USP12: variants seen among roughly 807,000 people sequenced by gnomAD.
The protein encoded by USP12 is ubiquitin carboxyl-terminal hydrolase 12.
Under a neutral mutation model 45.5 loss-of-function variants are expected in USP12, and 19 were observed. That is an observed-to-expected ratio of 0.42 (90% confidence interval 0.29 to 0.61). The LOEUF (loss-of-function observed/expected upper bound fraction) is 0.61. Ranked by LOEUF, USP12 falls within the 20% of genes least tolerant of loss-of-function variation. The probability of loss-of-function intolerance (pLI) is 0.22; values close to 1 mark genes in which losing one functional copy is unlikely to be tolerated. For synonymous variants in USP12, 149 were observed against 148.8 expected (o/e 1.00, Z -0.01); for missense variants, 242 against 447.7 (o/e 0.54, Z 4.15).
At chr13:27,106,174 C>G (rs1176821850) in intron 2 of USP12, among the ~76,000 whole-genome samples, 1 of 151,644 alleles carries the variant, frequency 6.6e-6, no homozygotes, top group Non-Finnish European at 1.5e-5. Flanking sequence ...TTAAAACACA[C>G]AAAAACAAAA....
chr13:27,114,182 A>T (rs1202923930), intron 2 of USP12, among the ~76,000 whole-genome samples: 1 of 152,180 alleles, frequency 6.6e-6, no homozygotes, highest in Non-Finnish European at 1.5e-5. Context: ...CCTGTATTAG[A>T]AAATTAATAA....
At chr13:27,124,894 A>G (rs182580737) in intron 1 of USP12, among the ~76,000 whole-genome samples, 3 of 152,370 alleles carry the variant, frequency 2.0e-5, no homozygotes, top group Admixed American at 2.0e-4. Context: ...GAGAATATTT[A>G]TGACAAAACA....
intron 3 of USP12, 79 bp from the exon 4 acceptor site, chr13:27,095,909 T>A: frequency 9.6e-7 from 1 of 1,038,746 alleles, no homozygotes; most frequent in Non-Finnish European, 1.3e-6. Flanking sequence ...AAAGAATATC[T>A]AGTATTGGAT....
At chr13:27,080,821 T>C (rs1873719071) in intron 6 of USP12, among the ~76,000 whole-genome samples, 1 of 152,210 alleles carries the variant, frequency 6.6e-6, no homozygotes, top group South Asian at 2.1e-4. Context: ...TACTGTAGTG[T>C]ATTATGTAAC....
chr13:27,158,807 T>C (rs1445517561), intron 1 of USP12, among the ~76,000 whole-genome samples: 6 of 152,222 alleles, frequency 3.9e-5, no homozygotes, highest in Non-Finnish European at 8.8e-5. Context: ...CCTTTCAATA[T>C]GATAGACATT....
At chr13:27,148,676 T>TTATATATA (rs59164229) in intron 1 of USP12, among the ~76,000 whole-genome samples, 1,650 of 139,380 alleles carry the variant, frequency 0.012, 15 homozygotes, top group Middle Eastern at 0.019. Context: ...AAAAAAAAAA[T>TTATATATA]TATATATATA....
intron 4 of USP12, among the ~76,000 whole-genome samples, chr13:27,091,986 A>G (rs1191865091): frequency 6.6e-6 from 1 of 152,204 alleles, no homozygotes; most frequent in Non-Finnish European, 1.5e-5. Flanking sequence ...GTGCATACAC[A>G]TACGATAACA....
At chr13:27,088,703 G>C (rs927831910) in intron 6 of USP12, among the ~76,000 whole-genome samples, 1 of 152,116 alleles carries the variant, frequency 6.6e-6, no homozygotes, top group African/African-American at 2.4e-5. Flanking sequence ...AATTCAATGT[G>C]GGAAGAATTA....
intron 1 of USP12, among the ~76,000 whole-genome samples, chr13:27,146,588 A>G (rs1877319491): frequency 6.6e-6 from 1 of 152,216 alleles, no homozygotes; most frequent in African/African-American, 2.4e-5. Flanking sequence ...CAGAGCTCCG[A>G]TGTTGGCTTA....
At chr13:27,101,928 C>G (rs1056769311) in intron 3 of USP12, among the ~76,000 whole-genome samples, 3 of 152,140 alleles carry the variant, frequency 2.0e-5, no homozygotes, top group African/African-American at 7.2e-5. Flanking sequence ...CATGCAGGTT[C>G]CTTAAGAACA....
intron 2 of USP12, among the ~76,000 whole-genome samples, chr13:27,115,097 T>C (rs1193653880): frequency 6.7e-6 from 1 of 148,842 alleles, no homozygotes; most frequent in Non-Finnish European, 1.5e-5. Context: ...ATTTTATATA[T>C]AATAACAAGA....
intron 3 of USP12, among the ~76,000 whole-genome samples, chr13:27,099,945 C>G (rs1308872221): frequency 6.6e-6 from 1 of 152,144 alleles, no homozygotes; most frequent in Non-Finnish European, 1.5e-5. Flanking sequence ...ATTTGGTACA[C>G]TGTGTGTGGG....
chr13:27,109,801 C>T (rs1379179417), intron 2 of USP12, among the ~76,000 whole-genome samples: 2 of 150,572 alleles, frequency 1.3e-5, no homozygotes, highest in African/African-American at 2.4e-5. Flanking sequence ...CCCAGCTACT[C>T]GGGAGGCTGA....
In USP12 at chr13:27,075,342, T is replaced by G; in HGVS notation, c.781A>C (p.Arg261=). The G allele has an allele frequency of 6.2e-7, 1 of 1,614,176 alleles. No individual in the cohort carries two copies. The highest frequency in any genetic ancestry group is 8.5e-7 in the Non-Finnish European group (1 of 1,180,014). Residue 261 remains arginine, a synonymous_variant, in exon 7 of 9, where the codon AGA becomes CGA. Coordinates refer to ENST00000282344, the MANE Select transcript of USP12 (RefSeq NM_182488.4). The stretch of plus-strand genomic sequence containing the variant: ...TGAAGTTGATCCATATATTTAAATC[T>G]CTTCAGGTGTAGAGCTAGAATCATG... The part of the protein sequence containing the change: ...LPMILALHLK[R]FKYMDQLHRY...
In USP12 at chr13:27,098,991, T is replaced by G. The variant is rs1874728642; in HGVS notation, c.344-3161A>C. Among the ~76,000 whole-genome samples, 3 of 152,204 alleles carry G rather than the reference T, an allele frequency of 2.0e-5. No individual in the cohort carries two copies. In the South Asian group the frequency reaches 6.2e-4, roughly 31 times the overall value. On this transcript the variant is annotated intron_variant, in intron 3 of 8. Transcript: ENST00000282344. The stretch of plus-strand genomic sequence containing the variant: ...GCTCATGTCTGTAATCCCAGCACTT[T>G]GTGAGTCTGAGGGGGGCAGATCACC...
intron 1 of USP12, among the ~76,000 whole-genome samples, chr13:27,136,479 C>G (rs1302916181): frequency 6.6e-6 from 1 of 152,152 alleles, no homozygotes; most frequent in Non-Finnish European, 1.5e-5. Context: ...GTCTGGGCAA[C>G]AAGAATGAAA....
Position 27,074,190 on chromosome 13 carries a change from G to A in USP12, c.932+1001C>T, listed in dbSNP as rs113531643. On this transcript the variant is annotated intron_variant, in intron 7 of 8. Coordinates refer to ENST00000282344, the MANE Select transcript of USP12 (RefSeq NM_182488.4). ...CCGAGGCGGGCAGATCACGAGGTCA[G>A]GAGATTAAGACCATCCTGGCTAACA... Among the ~76,000 whole-genome samples the A allele has an allele frequency of 7.5e-4, 114 of 152,292 alleles. 2 individuals are homozygous for A. The East Asian group carries it at 0.015, about 20-fold the overall frequency.
chr13:27,142,908 C>T (rs890119081), intron 1 of USP12, among the ~76,000 whole-genome samples: 2 of 152,126 alleles, frequency 1.3e-5, no homozygotes, highest in African/African-American at 4.8e-5. Context: ...TCCTGGCCGA[C>T]ATGGTGAAAC....
chr13:27,147,253 A>C (rs1877347079), intron 1 of USP12, among the ~76,000 whole-genome samples: 1 of 152,236 alleles, frequency 6.6e-6, no homozygotes, highest in African/African-American at 2.4e-5. Context: ...ACAATTTTAC[A>C]TGTAGAATGA....
Sources: allele counts gnomAD v4.1 joint callset (sites outside exome capture counted in the v4.1 genomes callset), GRCh38; gene constraint gnomAD v4.1.1; transcripts MANE v1.5; gene names NCBI Gene and HGNC (gene_info 2026-07-23, HGNC 2026-07-21).